Variants in BIRC6 observed in about 807,000 individuals in gnomAD.
BIRC6 encodes the protein baculoviral IAP repeat containing 6.
Under a neutral mutation model 503.3 loss-of-function variants are expected in BIRC6, and 98 were observed. The observed-to-expected ratio is 0.19, with a 90% CI of 0.17 to 0.23. The LOEUF is 0.23. Ranked by LOEUF, BIRC6 falls within the 10% of genes least tolerant of loss-of-function variation. The pLI, the probability that BIRC6 is intolerant of heterozygous loss-of-function variation, is 1.00. For missense variants in BIRC6, 5,360 were observed against 5,806.0 expected, an observed-to-expected ratio of 0.92 and a Z score of 2.50; for synonymous variants, 2,240 against 2,078.7, an observed-to-expected ratio of 1.08 and a Z score of -2.11.
intron 40 of BIRC6, among the ~76,000 whole-genome samples, chr2:32,486,766 G>T (rs2051035877): frequency 6.6e-6 from 1 of 151,914 alleles, no homozygotes; most frequent in South Asian, 2.1e-4. Flanking sequence ...TGCTTTAGAG[G>T]GTATCAAAAG....
chr2:32,422,878 T>G (rs1016145050), intron 10 of BIRC6, among the ~76,000 whole-genome samples: 1 of 152,210 alleles, frequency 6.6e-6, no homozygotes, highest in Non-Finnish European at 1.5e-5. Flanking sequence ...TGTTTATTTC[T>G]GTTTTTTTCT....
At chr2:32,402,896 AC>A (rs749382179) in intron 8 of BIRC6, among the ~76,000 whole-genome samples, 4 of 152,204 alleles carry the variant, frequency 2.6e-5, no homozygotes, top group Non-Finnish European at 4.4e-5. Context: ...GATTACATAC[AC>A]CCATACACAT....
Position 32,501,845 on chromosome 2 carries a change from A to G in BIRC6, c.9164A>G (p.Gln3055Arg), listed in dbSNP as rs757733206. Residue 3055 changes from glutamine (Q) to arginine (R), a missense_variant, in exon 47 of 74, where the codon CAG becomes CGG. By Grantham distance (43) the Gln-to-Arg change is conservative. This residue lies in a region of BIRC6 where 267 missense variants were observed against 287.6 expected (regional missense o/e 0.93). Transcript: ENST00000421745. ...GCTTCTACAGTCCACATGATGCTGC[A>G]GCCAATTTTAACATACATGGCCTGT... ...KKASTVHMML[Q>R]PILTYMACGY... 6 of 1,613,690 alleles carry G rather than the reference A, an allele frequency of 3.7e-6. No individual in the cohort carries two copies. The highest frequency in any genetic ancestry group is 5.1e-6 in the Non-Finnish European group (6 of 1,179,824).
At chr2:32,422,682 C>A (rs1360062114) in intron 10 of BIRC6, among the ~76,000 whole-genome samples, 2 of 151,990 alleles carry the variant, frequency 1.3e-5, no homozygotes, top group Non-Finnish European at 2.9e-5. Flanking sequence ...CTTGTTTTTG[C>A]CCTTTATAAG....
intron 57 of BIRC6, chr2:32,522,723 C>T (rs897368556): frequency 5.3e-5 from 8 of 152,100 alleles, no homozygotes; most frequent in African/African-American, 1.9e-4. Context: ...GCATTTTATT[C>T]CCTGAAACCC....
chr2:32,602,437 G>A (rs62136349), intron 70 of BIRC6: 51,107 of 152,022 alleles, frequency 0.34, 9,189 homozygotes, highest in Non-Finnish European at 0.41. Context: ...GGAGGGAAAG[G>A]TAGAGAGGAG....
chr2:32,443,587 T>G lies in BIRC6; in HGVS notation c.4335T>G (p.Gly1445=). The change falls in exon 20 of 74, where the codon GGT becomes GGG. Residue 1445 remains glycine (G), a splice_region_variant and synonymous_variant. Coordinates refer to ENST00000421745, the MANE Select transcript of BIRC6 (RefSeq NM_016252.4). ...CATTTTTACCTGCAGCAACAACTGG[T>G]GGTATGTAAAATTAATTTAATCACA... ...NMSFLPAATT[G]GSVYWYFVLL... 6.3e-7 allele frequency: 1 copy of G among 1,588,272 alleles called. No homozygotes were observed. Among genetic ancestry groups the G allele is most frequent in the Non-Finnish European group, 8.6e-7 (1 of 1,163,924 alleles).
At position 32,610,616 on chromosome 2, in the gene BIRC6, G is replaced by A. The variant is rs184289943; in HGVS notation, c.14260-832G>A. Among the ~76,000 whole-genome samples the A allele has an allele frequency of 5.3e-5, 8 of 152,086 alleles. No individual in the cohort carries two copies. The East Asian group carries it at 9.7e-4, about 18-fold the overall frequency. On this transcript the variant is annotated intron_variant, in intron 72 of 73. Transcript: ENST00000421745. The stretch of plus-strand genomic sequence containing the variant: ...TTGTCAATACTTTTTAAATCTTTTC[G>A]CCTGGTTACTTATTTAGCATTTGCC...
chr2:32,468,864 T>G, intron 29 of BIRC6, 81 bp downstream of exon 29: 1 of 1,080,064 alleles, frequency 9.3e-7, no homozygotes. Flanking sequence ...TCTGTGTCAA[T>G]ATTTTCTATT....
At chr2:32,494,773 G>A (rs2052239581) in intron 45 of BIRC6, among the ~76,000 whole-genome samples, 1 of 152,024 alleles carries the variant, frequency 6.6e-6, no homozygotes, top group African/African-American at 2.4e-5. Flanking sequence ...TAGCTAGGGT[G>A]TGGGTATACA....
chr2:32,418,367 T>C (rs2042597609), intron 10 of BIRC6, among the ~76,000 whole-genome samples: 1 of 152,224 alleles, frequency 6.6e-6, no homozygotes, highest in African/African-American at 2.4e-5. Context: ...CTCCGTTTTG[T>C]ACATAATGAT....
chr2:32,487,858 A>AT (rs1338648372), intron 41 of BIRC6, 57 bp downstream of exon 41: 4 of 1,436,072 alleles, frequency 2.8e-6, no homozygotes, highest in Non-Finnish European at 3.9e-6. Flanking sequence ...CTGGTAAAAG[A>AT]TGAAACTAAT....
chr2:32,433,507 T>A, intron 12 of BIRC6, 137 bp from the exon 13 acceptor site: 1 of 644,504 alleles, frequency 1.6e-6, no homozygotes, highest in Non-Finnish European at 2.5e-6. Context: ...CTATTTTCTC[T>A]CTTGATCCCA....
intron 65 of BIRC6, among the ~76,000 whole-genome samples, chr2:32,556,970 G>C (rs2058829424): frequency 6.6e-6 from 1 of 151,712 alleles, no homozygotes; most frequent in South Asian, 2.1e-4. Flanking sequence ...AGTTACTCCA[G>C]TTTACTTAGA....
chr2:32,412,081 G>A (rs2041951487), intron 9 of BIRC6, among the ~76,000 whole-genome samples: 1 of 152,048 alleles, frequency 6.6e-6, no homozygotes, highest in Non-Finnish European at 1.5e-5. Context: ...CACAACGCCT[G>A]GCTTTGTGAT....
At chr2:32,399,762 T>C (rs1019065807) in intron 6 of BIRC6, among the ~76,000 whole-genome samples, 2 of 151,946 alleles carry the variant, frequency 1.3e-5, no homozygotes, top group African/African-American at 4.8e-5. Flanking sequence ...CCTAGTATTT[T>C]ATTTTTATAT....
chr2:32,590,992 T>C, intron 66 of BIRC6: 1 of 985,776 alleles, frequency 1.0e-6, no homozygotes. Flanking sequence ...TGGCCTTTTT[T>C]CATGAGCTGG....
chr2:32,513,015 C>T lies in BIRC6; in HGVS notation c.10429C>T (p.Pro3477Ser). The T allele has an allele frequency of 6.2e-7, 1 of 1,613,850 alleles. No homozygotes were observed. Among genetic ancestry groups the T allele is most frequent in the Non-Finnish European group, 8.5e-7 (1 of 1,179,836 alleles). The change falls in exon 54 of 74, where the codon CCT becomes TCT. Residue 3477 changes from proline to serine, a missense_variant. Physicochemically the swap from Pro to Ser is moderately conservative, Grantham distance 74 (BLOSUM62 -1). Coordinates refer to ENST00000421745, the MANE Select transcript of BIRC6 (RefSeq NM_016252.4). Reference protein sequence around the residue: ...KRSGRMNYMCPNSSTVEYGLL... With the variant: ...KRSGRMNYMCSNSSTVEYGLL... ...AAGTGGCAGGATGAACTACATGTGT[C>T]CTAACTCCTCAACAGTAGAGTATGG...
chr2:32,548,009 C>A lies in BIRC6; in HGVS notation c.12970C>A (p.Leu4324Met). 2.5e-6 allele frequency: 4 copies of A among 1,594,132 alleles called. No homozygotes were observed. Among genetic ancestry groups the A allele is most frequent in the Non-Finnish European group, 2.6e-6 (3 of 1,174,108 alleles). ...GGAAGAGGAACATGTTACCTGCCTTCTGCAGGTATATTTGTAAACTTGATA... is the reference window on the plus strand; with the variant it reads ...GGAAGAGGAACATGTTACCTGCCTTATGCAGGTATATTTGTAAACTTGATA... ...RLEEEHVTCL[L>M]QVLASYINPV... is the part of the protein sequence containing the mutation. Residue 4324 changes from leucine to methionine, a missense_variant, in exon 64 of 74, where the codon CTG (leucine) becomes ATG (methionine). This residue lies in a region of BIRC6 where 477 missense variants were observed against 574.4 expected (regional missense o/e 0.83). Coordinates refer to ENST00000421745, the MANE Select transcript of BIRC6 (RefSeq NM_016252.4).
Sources: gnomAD v4.1 joint callset for allele counts (sites outside exome capture counted in the v4.1 genomes callset) on GRCh38, gnomAD v4.1.1 for gene constraint, gnomAD v4.1.1 regional missense constraint, MANE v1.5 for transcripts, NCBI Gene and HGNC (gene_info 2026-07-23, HGNC 2026-07-21) for gene names.